The following FOXP2 variants were observed in gnomAD, a reference collection of about 807,000 sequenced individuals.
FOXP2 encodes the protein forkhead box P2.
In FOXP2, 12 loss-of-function variants were observed where a neutral mutation model predicts 115.8. That is an observed-to-expected ratio of 0.10 (90% CI 0.07 to 0.17). The LOEUF (loss-of-function observed/expected upper bound fraction) is 0.17. Among genes scored for constraint, FOXP2 ranks in the 10% least tolerant of loss-of-function variants. The pLI, the probability that FOXP2 is intolerant of heterozygous loss-of-function variation, is 1.00. For missense variants in FOXP2, 629 were observed against 843.5 expected, an observed-to-expected ratio of 0.75 and a Z score of 3.15; for synonymous variants, 328 against 297.7, an observed-to-expected ratio of 1.10 and a Z score of -1.05.
intron 2 of FOXP2, among the ~76,000 whole-genome samples, chr7:114,434,558 C>A (rs1794256862): frequency 6.6e-6 from 1 of 151,088 alleles, no homozygotes; most frequent in Non-Finnish European, 1.5e-5. Context: ...TATATAAATA[C>A]AATTATTGAA....
chr7:114,186,383 G>C (rs10243972), intron 1 of FOXP2, among the ~76,000 whole-genome samples: 2 of 151,900 alleles, frequency 1.3e-5, no homozygotes, highest in Admixed American at 1.3e-4. Context: ...GGGAGAAATA[G>C]GTAAGAAAAA....
chr7:114,593,891 A>T (rs1004383874), intron 3 of FOXP2, among the ~76,000 whole-genome samples: 1 of 152,018 alleles, frequency 6.6e-6, no homozygotes, highest in African/African-American at 2.4e-5. Flanking sequence ...TTATTAGTTG[A>T]TTGAACCATT....
At chr7:114,499,423 A>G (rs560817289) in intron 2 of FOXP2, 2 of 152,624 alleles carry the variant, frequency 1.3e-5, no homozygotes, top group African/African-American at 4.8e-5. Context: ...TTTATTTAAC[A>G]ATGTTTTAGG....
At chr7:114,582,933 G>T (rs761072923) in intron 3 of FOXP2, among the ~76,000 whole-genome samples, 4 of 152,032 alleles carry the variant, frequency 2.6e-5, no homozygotes, top group Non-Finnish European at 5.9e-5. Flanking sequence ...ATAAAGATAT[G>T]CCAAGATAAC....
chr7:114,129,839 A>AAT (rs1791822526), intron 1 of FOXP2, among the ~76,000 whole-genome samples: 1 of 152,254 alleles, frequency 6.6e-6, no homozygotes, highest in African/African-American at 2.4e-5. Flanking sequence ...TAGAAATAAA[A>AAT]ATATTAAAAT....
At chr7:114,367,177 A>G (rs560788545) in intron 2 of FOXP2, among the ~76,000 whole-genome samples, 1 of 152,218 alleles carries the variant, frequency 6.6e-6, no homozygotes, top group Non-Finnish European at 1.5e-5. Context: ...AGCTTTTCAG[A>G]GTCAAACAAA....
At chr7:114,351,258 G>T (rs1384462789) in intron 2 of FOXP2, among the ~76,000 whole-genome samples, 1 of 152,016 alleles carries the variant, frequency 6.6e-6, no homozygotes, top group African/African-American at 2.4e-5. Flanking sequence ...TTAGAATAAA[G>T]AACAATTTAT....
chr7:114,178,535 T>C (rs1331634366), intron 1 of FOXP2, among the ~76,000 whole-genome samples: 3 of 151,982 alleles, frequency 2.0e-5, no homozygotes, highest in African/African-American at 7.2e-5. Flanking sequence ...TTGAATTTTA[T>C]GAAAATTTCA....
intron 2 of FOXP2, among the ~76,000 whole-genome samples, chr7:114,443,836 G>C (rs1794715566): frequency 6.6e-6 from 1 of 152,062 alleles, no homozygotes; most frequent in African/African-American, 2.4e-5. Context: ...TGGGCATTTA[G>C]GTTGATTCCA....
chr7:114,307,562 G>T (rs968149221), intron 2 of FOXP2, among the ~76,000 whole-genome samples: 2 of 152,132 alleles, frequency 1.3e-5, no homozygotes, highest in Non-Finnish European at 2.9e-5. Flanking sequence ...GGGTACATAA[G>T]TTCTCTTCAA....
At chr7:114,269,702 A>G (rs998615246) in intron 1 of FOXP2, among the ~76,000 whole-genome samples, 5 of 152,202 alleles carry the variant, frequency 3.3e-5, no homozygotes, top group African/African-American at 1.2e-4. Flanking sequence ...AAAAGACTCA[A>G]CACAATTCAT....
chr7:114,442,348 A>AT (rs61403290), intron 2 of FOXP2, among the ~76,000 whole-genome samples: 272 of 145,916 alleles, frequency 1.9e-3, no homozygotes, highest in African/African-American at 3.8e-3. Context: ...GGCAAGAGGG[A>AT]TTTTTTTTTT....
chr7:114,471,724 C>T (rs1045781469), intron 2 of FOXP2, among the ~76,000 whole-genome samples: 5 of 150,846 alleles, frequency 3.3e-5, no homozygotes, highest in African/African-American at 4.9e-5. Flanking sequence ...CCGAGGCGGG[C>T]GGATCACCTA....
intron 3 of FOXP2, among the ~76,000 whole-genome samples, chr7:114,551,432 A>G (rs1800201528): frequency 6.6e-6 from 1 of 152,086 alleles, no homozygotes; most frequent in Admixed American, 6.5e-5. Context: ...GGCTTTTTAG[A>G]GTGTTCTATG....
intron 2 of FOXP2, among the ~76,000 whole-genome samples, chr7:114,432,570 A>G (rs1293775442): frequency 1.3e-5 from 2 of 151,974 alleles, no homozygotes; most frequent in African/African-American, 4.8e-5. Context: ...TATTTGGTTA[A>G]AGACATTTCT....
chr7:114,515,464 G>A lies in FOXP2; in HGVS notation c.169-19153G>A, dbSNP rs1798287836. ...GGTTTTGATTTGCATTTCTCTGATG[G>A]CCAGTGATGATGAGCATTTTTTCAT... On this transcript the variant is annotated intron_variant, in intron 2 of 16. Coordinates refer to ENST00000350908, the MANE Select transcript of FOXP2 (RefSeq NM_014491.4). Among the ~76,000 whole-genome samples the A allele has an allele frequency of 2.0e-5, 3 of 151,978 alleles. No homozygotes were observed. The South Asian group carries it at 6.2e-4, about 32-fold the overall frequency.
chr7:114,191,262 G>A (rs1290775831), intron 1 of FOXP2, among the ~76,000 whole-genome samples: 2 of 152,082 alleles, frequency 1.3e-5, no homozygotes, highest in African/African-American at 4.8e-5. Context: ...TTAACTGGAA[G>A]TTCTCATTCC....
intron 2 of FOXP2, among the ~76,000 whole-genome samples, chr7:114,387,704 A>C (rs1372834741): frequency 6.6e-6 from 1 of 152,186 alleles, no homozygotes; most frequent in Non-Finnish European, 1.5e-5. Flanking sequence ...TTATGAAAAT[A>C]TTCACAGTAA....
intron 2 of FOXP2, among the ~76,000 whole-genome samples, chr7:114,477,790 A>G (rs191397549): frequency 4.2e-4 from 64 of 152,106 alleles, no homozygotes; most frequent in Middle Eastern, 3.4e-3. Flanking sequence ...AAATTGAATT[A>G]TACAAAGATA....
Sources: allele counts gnomAD v4.1 joint callset (sites outside exome capture counted in the v4.1 genomes callset), GRCh38; gene constraint gnomAD v4.1.1; transcripts MANE v1.5; gene names NCBI Gene and HGNC (gene_info 2026-07-23, HGNC 2026-07-21).